The following FBXW7 variants were observed in gnomAD, a reference collection of about 807,000 sequenced individuals.
The protein encoded by FBXW7 is F-box/WD repeat-containing protein 7.
FBXW7 carries 11 observed loss-of-function variants against 86.3 expected under a neutral mutation model. That is an observed-to-expected ratio of 0.13 (90% CI 0.08 to 0.21). The LOEUF (loss-of-function observed/expected upper bound fraction) is 0.21. Among genes scored for constraint, FBXW7 ranks in the 10% least tolerant of loss-of-function variants. FBXW7 has a pLI of 1.00. For synonymous variants in FBXW7, 313 were observed against 297.9 expected (o/e 1.05, Z -0.52); for missense variants, 488 against 847.4 (o/e 0.58, Z 5.27).
intron 2 of FBXW7, among the ~76,000 whole-genome samples, chr4:152,518,343 T>TAA (rs1748700288): frequency 6.6e-6 from 1 of 152,130 alleles, no homozygotes; most frequent in African/African-American, 2.4e-5. Context: ...TCACCCAGGC[T>TAA]AAAGTATAGT....
At chr4:152,464,234 A>C (rs1743210483) in intron 2 of FBXW7, among the ~76,000 whole-genome samples, 1 of 152,230 alleles carries the variant, frequency 6.6e-6, no homozygotes, top group South Asian at 2.1e-4. Context: ...GGACTATAAC[A>C]ACCTTGGAGA....
chr4:152,468,599 T>C (rs573359687), intron 2 of FBXW7, among the ~76,000 whole-genome samples: 20 of 152,238 alleles, frequency 1.3e-4, no homozygotes, highest in South Asian at 4.1e-4. Context: ...GGCTGGGTGA[T>C]AGAGGGCGTC....
intron 10 of FBXW7, among the ~76,000 whole-genome samples, chr4:152,329,286 T>C (rs1729335997): frequency 6.6e-6 from 1 of 151,834 alleles, no homozygotes; most frequent in Non-Finnish European, 1.5e-5. Flanking sequence ...AAGCAGTTTA[T>C]AAGGAAAAAT....
chr4:152,423,827 G>A (rs988602253), intron 2 of FBXW7, among the ~76,000 whole-genome samples: 3 of 152,184 alleles, frequency 2.0e-5, no homozygotes, highest in African/African-American at 7.2e-5. Context: ...TGTGTTTGGA[G>A]GGGTGGGGTG....
intron 12 of FBXW7, chr4:152,325,528 G>A (rs1728942604): frequency 2.0e-5 from 3 of 152,564 alleles, no homozygotes; most frequent in Non-Finnish European, 1.5e-5. Flanking sequence ...ACTTCTTTAT[G>A]ACTACAAATC....
At chr4:152,452,514 T>C (rs904000146) in intron 2 of FBXW7, among the ~76,000 whole-genome samples, 2 of 152,236 alleles carry the variant, frequency 1.3e-5, no homozygotes, top group Non-Finnish European at 1.5e-5. Context: ...ACAATTGTTA[T>C]CAGCTGTGTC....
At chr4:152,330,158 G>A (rs1729416178) in intron 9 of FBXW7, among the ~76,000 whole-genome samples, 1 of 151,592 alleles carries the variant, frequency 6.6e-6, no homozygotes, top group African/African-American at 2.4e-5. Context: ...ACCACAAAGA[G>A]TAACAATTAT....
intron 2 of FBXW7, among the ~76,000 whole-genome samples, chr4:152,441,071 T>C (rs1740854190): frequency 6.6e-6 from 1 of 151,792 alleles, no homozygotes; most frequent in Non-Finnish European, 1.5e-5. Context: ...AAACAGAAAA[T>C]ACGTATCAAA....
intron 6 of FBXW7, among the ~76,000 whole-genome samples, chr4:152,338,481 T>C (rs556386017): frequency 3.0e-4 from 45 of 151,904 alleles, no homozygotes; most frequent in African/African-American, 1.0e-3. Context: ...AAATACACAA[T>C]AGAAAATAGA....
rs1745066658 is a variant in FBXW7, at chr4:152,483,430, GTGGTGGCTAACACC to G, written c.-120+51497_-120+51510del. On this transcript the variant is annotated intron_variant, in intron 2 of 13. Transcript: ENST00000281708. Reference sequence around the variant, plus strand: ...AAAAAAAAGCTTTTTGAGGCTGGGCGTGGTGGCTAACACCTGTAATCCCAGCTCTTTGGGAGGCT... The same window carrying G: ...AAAAAAAAGCTTTTTGAGGCTGGGCGTGTAATCCCAGCTCTTTGGGAGGCT... Among the ~76,000 whole-genome samples the G allele has an allele frequency of 7.9e-5, 12 of 151,612 alleles. No individual in the cohort carries two copies. In the South Asian group the frequency reaches 2.5e-3, roughly 32 times the overall value.
At chr4:152,401,871 G>A (rs2126843229) in intron 4 of FBXW7, among the ~76,000 whole-genome samples, 1 of 152,222 alleles carries the variant, frequency 6.6e-6, no homozygotes, top group Non-Finnish European at 1.5e-5. Context: ...AGACAGAATG[G>A]CTAATGCAGG....
At chr4:152,523,272 C>A (rs1749184236) in intron 2 of FBXW7, among the ~76,000 whole-genome samples, 1 of 151,472 alleles carries the variant, frequency 6.6e-6, no homozygotes, top group South Asian at 2.1e-4. Flanking sequence ...TGGTCCCTGA[C>A]CTAAAAACTT....
At chr4:152,419,495 AC>A (rs1433431610) in intron 2 of FBXW7, among the ~76,000 whole-genome samples, 323 of 3,258 alleles carry the variant, frequency 0.099, 1 homozygote, top group East Asian at 0.34. Flanking sequence ...GATAAGGTAA[AC>A]ACACACACAC....
chr4:152,383,393 C>T (rs1735260840), intron 4 of FBXW7, among the ~76,000 whole-genome samples: 1 of 152,136 alleles, frequency 6.6e-6, no homozygotes, highest in Non-Finnish European at 1.5e-5. Context: ...AGACTCTCTT[C>T]AAAGTGGCCC....
chr4:152,361,534 C>G (rs914457593), intron 4 of FBXW7, among the ~76,000 whole-genome samples: 4 of 152,146 alleles, frequency 2.6e-5, no homozygotes, highest in Non-Finnish European at 5.9e-5. Context: ...GTGCAGTGAA[C>G]TGTAAGACTG....
At chr4:152,444,165 G>A (rs2126994211) in intron 2 of FBXW7, among the ~76,000 whole-genome samples, 1 of 152,228 alleles carries the variant, frequency 6.6e-6, no homozygotes, top group African/African-American at 2.4e-5. Context: ...AATTTCATAT[G>A]ATTTAACCTA....
At chr4:152,432,677 C>T (rs145043704) in intron 2 of FBXW7, among the ~76,000 whole-genome samples, 56 of 152,080 alleles carry the variant, frequency 3.7e-4, no homozygotes, top group African/African-American at 1.3e-3. Flanking sequence ...CCGGGTATGG[C>T]GGCACAAGCC....
intron 7 of FBXW7, among the ~76,000 whole-genome samples, chr4:152,334,542 TG>T (rs1248923428): frequency 6.6e-6 from 1 of 152,246 alleles, no homozygotes; most frequent in Non-Finnish European, 1.5e-5. Context: ...TTCTTTTCTT[TG>T]CTTTCGTTAT....
chr4:152,459,372 T>C (rs1429071781), intron 2 of FBXW7, among the ~76,000 whole-genome samples: 1 of 152,200 alleles, frequency 6.6e-6, no homozygotes, highest in Non-Finnish European at 1.5e-5. Context: ...CACTACTCCA[T>C]CTCTTTGGAG....
Sources: gnomAD v4.1 joint callset for allele counts (sites outside exome capture counted in the v4.1 genomes callset) on GRCh38, gnomAD v4.1.1 for gene constraint, MANE v1.5 for transcripts, NCBI Gene and HGNC (gene_info 2026-07-23, HGNC 2026-07-21) for gene names.